Variants in GPR161 observed in about 807,000 individuals in gnomAD.
The protein encoded by GPR161 is G-protein coupled receptor RE2.
Under a neutral mutation model 39.2 loss-of-function variants are expected in GPR161, and 25 were observed. The ratio of observed to expected loss-of-function variants is 0.64; its 90% CI spans 0.47 to 0.89. The LOEUF is 0.89. Among genes scored for constraint, GPR161 ranks in the 40% least tolerant of loss-of-function variants. GPR161 has a pLI of 0.00. For missense variants in GPR161, 547 were observed against 677.8 expected (o/e 0.81, Z 2.14); for synonymous variants, 286 against 276.6 (o/e 1.03, Z -0.34).
At chr1:168,102,797 G>A (rs1363159516) in intron 2 of GPR161, among the ~76,000 whole-genome samples, 10 of 151,044 alleles carry the variant, frequency 6.6e-5, no homozygotes, top group African/African-American at 1.7e-4. Flanking sequence ...CATGTTCCAC[G>A]GGACCCAGGG....
rs1693925900 is a variant in GPR161, at chr1:168,079,594, G to T, written c.*5937C>A. ...GGTAAACAAAAATTCCAAATACATTGTTGCTTATTTATAAATATTGATTTA... is the reference window on the plus strand; with the variant it reads ...GGTAAACAAAAATTCCAAATACATTTTTGCTTATTTATAAATATTGATTTA... On this transcript the variant is annotated 3_prime_UTR_variant, in exon 6 of 6. Transcript: ENST00000682931. The T allele has an allele frequency of 6.6e-6, 1 of 151,988 alleles. No homozygotes were observed. Among genetic ancestry groups the T allele is most frequent in the Non-Finnish European group, 1.5e-5 (1 of 68,002 alleles). 9.4% of individuals were successfully genotyped at this position (151,988 alleles called of 1,614,324 possible).
chr1:168,083,496 C>G lies in GPR161; in HGVS notation c.*2035G>C, dbSNP rs1264375721. ...TCCTAGAGATAAAGGTCTCTCTGCCCTGTTCCACCTCTGTGCACACTAGTT... is the reference window on the plus strand; with the variant it reads ...TCCTAGAGATAAAGGTCTCTCTGCCGTGTTCCACCTCTGTGCACACTAGTT... On this transcript the variant is annotated 3_prime_UTR_variant, in exon 6 of 6. Transcript: ENST00000682931. 1 of 152,240 alleles carries G rather than the reference C, an allele frequency of 6.6e-6. No homozygotes were observed. The highest frequency in any genetic ancestry group is 1.5e-5 in the Non-Finnish European group (1 of 68,074). 9.4% of individuals were successfully genotyped at this position (152,240 alleles called of 1,614,324 possible). A position where few individuals can be genotyped will look rare whatever the true frequency, so the allele number is the denominator to read the frequency against.
At chr1:168,089,088 T>C (rs1308438091) in intron 4 of GPR161, 2 of 152,148 alleles carry the variant, frequency 1.3e-5, no homozygotes. Flanking sequence ...TACTTTACAG[T>C]TCAATCTTTT....
At chr1:168,126,497 C>G (rs186709275) in intron 1 of GPR161, among the ~76,000 whole-genome samples, 1 of 152,082 alleles carries the variant, frequency 6.6e-6, no homozygotes, top group Admixed American at 6.5e-5. Context: ...TCTGTCACAG[C>G]CTGGAGTGCA....
In GPR161 at chr1:168,104,868, G is replaced by A. The variant is rs1383560797; in HGVS notation, c.-18C>T. The A allele has an allele frequency of 1.7e-5, 27 of 1,611,196 alleles. No homozygotes were observed. In the East Asian group the frequency reaches 3.6e-4, roughly 21 times the overall value. ...AGGCTCATGGTCAGTGCACCTCGGCGTGGGGTGGGCAGAGCATGCTGGACG... is the reference window on the plus strand; with the variant it reads ...AGGCTCATGGTCAGTGCACCTCGGCATGGGGTGGGCAGAGCATGCTGGACG... On this transcript the variant is annotated 5_prime_UTR_variant, in exon 2 of 6. In the 5' UTR this introduces an upstream ATG that the reference lacks. Coordinates refer to ENST00000682931, the MANE Select transcript of GPR161 (RefSeq NM_001375883.1).
At chr1:168,087,819 C>G in intron 4 of GPR161, 115 bp from the exon 5 acceptor site, 1 of 1,089,542 alleles carries the variant, frequency 9.2e-7, no homozygotes, top group South Asian at 1.6e-5. Flanking sequence ...AACCCATCAT[C>G]AAGTGGAGCT....
At chr1:168,109,697 T>C (rs1696939530) in intron 1 of GPR161, among the ~76,000 whole-genome samples, 2 of 152,238 alleles carry the variant, frequency 1.3e-5, no homozygotes, top group Non-Finnish European at 2.9e-5. Flanking sequence ...CCAGGTGCAG[T>C]GGCTGATGCC....
At chr1:168,096,192 G>C (rs1187683154) in intron 3 of GPR161, among the ~76,000 whole-genome samples, 2 of 147,108 alleles carry the variant, frequency 1.4e-5, no homozygotes, top group Non-Finnish European at 3.0e-5. Flanking sequence ...ACACTCTGAG[G>C]CCAGAGGGCC....
rs1264689235 is a variant in GPR161 at position 168,082,562 on chromosome 1, G to A, written c.*2969C>T. On this transcript the variant is annotated 3_prime_UTR_variant, in exon 6 of 6. Transcript: ENST00000682931. ...CTGGGTCAAAACAACCCCAAACCTG[G>A]TATCTGTGGCATAGCACAGGGACCC... 1 of 152,274 alleles carries A rather than the reference G, an allele frequency of 6.6e-6. No homozygotes were observed. Among genetic ancestry groups the A allele is most frequent in the Non-Finnish European group, 1.5e-5 (1 of 68,096 alleles). 9.4% of individuals were successfully genotyped at this position (152,274 alleles called of 1,614,324 possible). A position where few individuals can be genotyped will look rare whatever the true frequency, so the allele number is the denominator to read the frequency against.
chr1:168,136,030 A>AT, intron 1 of GPR161: 1 of 1,238,762 alleles, frequency 8.1e-7, no homozygotes, highest in Non-Finnish European at 1.0e-6. Flanking sequence ...TTCTCATCCC[A>AT]TATGCCTTTG....
At chr1:168,134,942 C>T in intron 1 of GPR161, 1 of 1,535,706 alleles carries the variant, frequency 6.5e-7, no homozygotes, top group Non-Finnish European at 8.7e-7. Flanking sequence ...TCCAGTTCAG[C>T]CCATTCTGTC....
intron 3 of GPR161, among the ~76,000 whole-genome samples, chr1:168,091,106 T>C (rs576241565): frequency 1.8e-4 from 27 of 152,236 alleles, no homozygotes; most frequent in African/African-American, 6.3e-4. Flanking sequence ...TTTTGTAAGC[T>C]GGAAAGCAGA....
At chr1:168,132,982 T>C (rs1021569416) in intron 1 of GPR161, among the ~76,000 whole-genome samples, 6 of 152,178 alleles carry the variant, frequency 3.9e-5, no homozygotes, top group Non-Finnish European at 8.8e-5. Flanking sequence ...TGACCTCAGA[T>C]GATCTGCCTG....
intron 1 of GPR161, among the ~76,000 whole-genome samples, chr1:168,119,254 A>ACATATATATG (rs1186025262): frequency 2.6e-5 from 3 of 115,352 alleles, no homozygotes; most frequent in African/African-American, 1.2e-4. Flanking sequence ...ACATATATAT[A>ACATATATATG]TACGTATATA....
chr1:168,096,687 G>A lies in GPR161; in HGVS notation c.920C>T (p.Thr307Ile), dbSNP rs1319222612. The change falls in exon 3 of 6, where the codon ACT (threonine) becomes ATT (isoleucine). Residue 307 changes from threonine (T) to isoleucine (I), a missense_variant. Coordinates refer to ENST00000682931, the MANE Select transcript of GPR161 (RefSeq NM_001375883.1). ...GGCAAAGGACAGCCATGTGGCCCAA[G>A]TCTCCAGGCTCGGGGAGACGGAGCT... ...GKSSVSPSLE[T>I]WATWLSFASA... 2 of 1,614,134 alleles carry A rather than the reference G, an allele frequency of 1.2e-6. No homozygotes were observed. The highest frequency in any genetic ancestry group is 2.2e-5 in the East Asian group (1 of 44,872).
intron 2 of GPR161, among the ~76,000 whole-genome samples, chr1:168,103,682 T>A (rs1037556042): frequency 1.3e-5 from 2 of 152,170 alleles, no homozygotes; most frequent in African/African-American, 4.8e-5. Context: ...CCCCACTACT[T>A]ACTCTCCTCC....
chr1:168,110,732 T>C (rs1697097928), intron 1 of GPR161, among the ~76,000 whole-genome samples: 1 of 151,962 alleles, frequency 6.6e-6, no homozygotes, highest in South Asian at 2.1e-4. Flanking sequence ...GAGACCAGCC[T>C]GCCCAACATG....
chr1:168,131,048 G>A (rs1698949945), intron 1 of GPR161, among the ~76,000 whole-genome samples: 1 of 152,150 alleles, frequency 6.6e-6, no homozygotes, highest in African/African-American at 2.4e-5. Context: ...GAATGAGATA[G>A]TGTGTGTAAA....
chr1:168,090,477 G>A, intron 4 of GPR161, 87 bp downstream of exon 4: 1 of 697,586 alleles, frequency 1.4e-6, no homozygotes, highest in Non-Finnish European at 2.5e-6. Flanking sequence ...GCCAGCTCTT[G>A]AGCCTGCACA....
Sources: allele counts gnomAD v4.1 joint callset (sites outside exome capture counted in the v4.1 genomes callset), GRCh38; gene constraint gnomAD v4.1.1; transcripts MANE v1.5; gene names NCBI Gene and HGNC (gene_info 2026-07-23, HGNC 2026-07-21).